The following PMM2 variants were observed in gnomAD, a reference collection of about 807,000 sequenced individuals.
The protein encoded by PMM2 is mannose-6-phosphate isomerase.
In PMM2, 35 loss-of-function variants were observed where a neutral mutation model predicts 33.2. The observed-to-expected ratio is 1.06, with a 90% CI of 0.81 to 1.40. The LOEUF is 1.40. Among genes scored for constraint, PMM2 ranks in the 40% most tolerant of loss-of-function variants. The pLI, the probability that PMM2 is intolerant of heterozygous loss-of-function variation, is 0.00. For synonymous variants in PMM2, 153 were observed against 114.7 expected, an observed-to-expected ratio of 1.33 and a Z score of -2.13; for missense variants, 386 against 306.0, an observed-to-expected ratio of 1.26 and a Z score of -1.95.
intron 3 of PMM2, among the ~76,000 whole-genome samples, chr16:8,805,507 A>G (rs2060642463): frequency 6.6e-6 from 1 of 152,160 alleles, no homozygotes; most frequent in Non-Finnish European, 1.5e-5. Context: ...CTACAGGCAC[A>G]TGCCACCAAG....
chr16:8,823,232 A>G (rs2141030882), intron 7 of PMM2, among the ~76,000 whole-genome samples: 1 of 152,346 alleles, frequency 6.6e-6, no homozygotes, highest in Non-Finnish European at 1.5e-5. Flanking sequence ...TGTATTACAA[A>G]GAATAAGCTT....
chr16:8,847,456 C>G (rs1049079080), intron 7 of PMM2, among the ~76,000 whole-genome samples: 1 of 151,244 alleles, frequency 6.6e-6, no homozygotes. Flanking sequence ...AAGCCTTAGA[C>G]AGATCTTCGC....
At chr16:8,803,859 T>A (rs2060629346) in intron 2 of PMM2, among the ~76,000 whole-genome samples, 2 of 150,758 alleles carry the variant, frequency 1.3e-5, no homozygotes, top group South Asian at 4.2e-4. Context: ...AATTTTTGTA[T>A]TTTTAGTAGA....
intron 7 of PMM2, among the ~76,000 whole-genome samples, chr16:8,819,720 T>G (rs956516947): frequency 1.3e-5 from 2 of 150,050 alleles, no homozygotes; most frequent in Non-Finnish European, 3.0e-5. Context: ...ACAATAAAAA[T>G]TAAAAATTTT....
chr16:8,797,975 C>A (rs888221079), intron 1 of PMM2, 27 bp downstream of exon 1: 1 of 1,578,404 alleles, frequency 6.3e-7, no homozygotes, highest in African/African-American at 1.3e-5. Context: ...GGGCTGCTGG[C>A]AGCCGACGCG....
intron 4 of PMM2, chr16:8,810,663 A>G (rs918594807): frequency 1.3e-5 from 4 of 298,722 alleles, no homozygotes; most frequent in African/African-American, 2.3e-5. Flanking sequence ...TATAACCCCT[A>G]TCTCCCAGGC....
intron 7 of PMM2, among the ~76,000 whole-genome samples, chr16:8,828,052 A>G (rs1416609001): frequency 4.1e-5 from 5 of 122,106 alleles, no homozygotes; most frequent in African/African-American, 9.7e-5. Flanking sequence ...TTTTTACAAA[A>G]TCTTTTTAAA....
chr16:8,842,564 G>T (rs1182601090), intron 7 of PMM2, among the ~76,000 whole-genome samples: 1 of 152,210 alleles, frequency 6.6e-6, no homozygotes, highest in Admixed American at 6.5e-5. Context: ...AACGCTGAAA[G>T]AAGCATCTTT....
intron 7 of PMM2, among the ~76,000 whole-genome samples, chr16:8,814,394 A>G (rs919874215): frequency 3.9e-5 from 6 of 152,138 alleles, no homozygotes; most frequent in Non-Finnish European, 5.9e-5. Context: ...CTTTCTCGCC[A>G]TCCTGCACCT....
intron 7 of PMM2, among the ~76,000 whole-genome samples, chr16:8,824,036 A>G (rs2060752494): frequency 6.6e-6 from 1 of 152,262 alleles, no homozygotes; most frequent in Non-Finnish European, 1.5e-5. Flanking sequence ...CCATAAGTTG[A>G]GAATACTCAC....
chr16:8,830,651 G>A (rs2060804336), intron 7 of PMM2, among the ~76,000 whole-genome samples: 1 of 152,192 alleles, frequency 6.6e-6, no homozygotes, highest in Non-Finnish European at 1.5e-5. Context: ...CTCAAGCACT[G>A]ATCTTAGGAT....
At chr16:8,847,625 A>T in intron 7 of PMM2, 99 bp from the exon 8 acceptor site, 1 of 840,148 alleles carries the variant, frequency 1.2e-6, no homozygotes, top group Non-Finnish European at 2.1e-6. Context: ...CTGCCCAGTT[A>T]AATCTTGTTT....
At chr16:8,829,446 C>A (rs2060797588) in intron 7 of PMM2, among the ~76,000 whole-genome samples, 1 of 152,248 alleles carries the variant, frequency 6.6e-6, no homozygotes, top group South Asian at 2.1e-4. Context: ...AAAAGCCTCT[C>A]AATTTTTCAA....
chr16:8,798,073 T>C, intron 1 of PMM2, 125 bp downstream of exon 1: 1 of 892,160 alleles, frequency 1.1e-6, no homozygotes, highest in South Asian at 1.4e-5. Flanking sequence ...CTCACGGCGC[T>C]GAACCCTATT....
rs944120088 is a variant in PMM2 at position 8,823,068 on chromosome 16, A to T, written c.639+9962A>T. Among the ~76,000 whole-genome samples, 4 of 152,192 alleles carry T rather than the reference A, an allele frequency of 2.6e-5. No individual in the cohort carries two copies. In the South Asian group the frequency reaches 8.3e-4, roughly 31 times the overall value. The stretch of plus-strand genomic sequence containing the variant: ...GGAAAGAGGAAATTTAAATATACTC[A>T]TCCTTATCTTTTTAGTCAGTTTTCC... On this transcript the variant is annotated intron_variant, in intron 7 of 7. Coordinates refer to ENST00000268261, the MANE Select transcript of PMM2 (RefSeq NM_000303.3).
intron 7 of PMM2, chr16:8,842,335 AAAG>A (rs1474855676): frequency 1.3e-5 from 2 of 152,314 alleles, no homozygotes; most frequent in African/African-American, 2.4e-5. Flanking sequence ...GAGAAGATTC[AAAG>A]GAGGGGCTAC....
intron 7 of PMM2, among the ~76,000 whole-genome samples, chr16:8,830,877 G>T (rs763277707): frequency 6.6e-6 from 1 of 152,220 alleles, no homozygotes; most frequent in Non-Finnish European, 1.5e-5. Flanking sequence ...GGTGGCTCAC[G>T]CCTGTAATCC....
chr16:8,811,777 AG>A (rs1429673625), intron 6 of PMM2, 64 bp downstream of exon 6: 7 of 1,076,922 alleles, frequency 6.5e-6, no homozygotes, highest in Non-Finnish European at 1.0e-5. Context: ...GTTGTGGGCC[AG>A]TGAGCTATTG....
chr16:8,831,352 T>C (rs749762837), intron 7 of PMM2, among the ~76,000 whole-genome samples: 6 of 152,132 alleles, frequency 3.9e-5, no homozygotes, highest in Non-Finnish European at 5.9e-5. Context: ...TAAATACTTG[T>C]TAAACAACCA....
Sources: gnomAD v4.1 joint callset for allele counts (sites outside exome capture counted in the v4.1 genomes callset) on GRCh38, gnomAD v4.1.1 for gene constraint, MANE v1.5 for transcripts, NCBI Gene and HGNC (gene_info 2026-07-23, HGNC 2026-07-21) for gene names.